Variants in SCLT1 observed in about 807,000 individuals in gnomAD.
SCLT1 encodes sodium channel and clathrin linker 1.
Under a neutral mutation model 112.8 loss-of-function variants are expected in SCLT1, and 78 were observed. That is an observed-to-expected ratio of 0.69 (90% confidence interval 0.58 to 0.83). The LOEUF is 0.83. Ranked by LOEUF, SCLT1 falls within the 40% of genes least tolerant of loss-of-function variation. SCLT1 has a pLI of 0.00. For synonymous variants in SCLT1, 257 were observed against 254.7 expected (o/e 1.01, Z -0.09); for missense variants, 747 against 770.4 (o/e 0.97, Z 0.36).
At chr4:129,024,349 A>C (rs867592463) in intron 5 of SCLT1, among the ~76,000 whole-genome samples, 23 of 152,262 alleles carry the variant, frequency 1.5e-4, no homozygotes, top group African/African-American at 4.1e-4. Context: ...TCTGAGACAA[A>C]ACTTCCAGAG....
intron 5 of SCLT1, among the ~76,000 whole-genome samples, chr4:129,018,219 T>TA (rs1745155296): frequency 1.3e-5 from 2 of 152,238 alleles, no homozygotes; most frequent in Non-Finnish European, 2.9e-5. Flanking sequence ...TGGTTATCAT[T>TA]AGCAGAACCA....
rs1212097525 is a variant in SCLT1 at position 128,959,714 on chromosome 4, C to T, written c.933G>A (p.Gln311=). Residue 311 remains glutamine, a synonymous_variant, in exon 12 of 21, where the codon CAG becomes CAA. Transcript: ENST00000281142. ...TGCACTTTGCTTGTAGCTCTCTGGT[C>T]TGTTTTTCCAGATGTGTATTTTCGG... ...LRTENTHLEK[Q]TRELQAKCNE... 1 of 1,613,444 alleles carries T rather than the reference C, an allele frequency of 6.2e-7. No homozygotes were observed. Among genetic ancestry groups the T allele is most frequent in the Non-Finnish European group, 8.5e-7 (1 of 1,179,608 alleles).
chr4:128,919,738 C>CAA lies in SCLT1; in HGVS notation c.1829+16915_1829+16916dup, dbSNP rs142025461. 9.7e-4 allele frequency among the ~76,000 whole-genome samples: 144 copies of CAA among 148,116 alleles called. 1 individual carries two copies. Among genetic ancestry groups the CAA allele is most frequent in the East Asian group, 9.3e-3 (47 of 5,078 alleles). ...TATTACTATTAACCCCACAGAAATA[C>CAA]AAAAAAAAAATAACCTCAGAGACTA... On this transcript the variant is annotated intron_variant, in intron 18 of 20. Coordinates refer to ENST00000281142, the MANE Select transcript of SCLT1 (RefSeq NM_144643.4).
intron 6 of SCLT1, among the ~76,000 whole-genome samples, chr4:129,003,134 G>A (rs111719715): frequency 9.9e-5 from 15 of 152,196 alleles, no homozygotes; most frequent in Admixed American, 3.9e-4. Flanking sequence ...GTCCTTTTCA[G>A]GGACATGGAT....
intron 19 of SCLT1, among the ~76,000 whole-genome samples, 187 bp downstream of exon 19, chr4:128,890,872 A>G (rs2125923661): frequency 6.6e-6 from 1 of 152,364 alleles, no homozygotes; most frequent in Middle Eastern, 3.4e-3. Flanking sequence ...TTATTTACAT[A>G]TGATGAATCA....
intron 7 of SCLT1, among the ~76,000 whole-genome samples, chr4:128,998,241 A>G (rs368330218): frequency 4.0e-5 from 6 of 151,882 alleles, no homozygotes; most frequent in East Asian, 1.9e-4. Flanking sequence ...ATAAAAAATT[A>G]TAAGTGATTA....
At chr4:128,951,141 A>T (rs1738698630) in intron 14 of SCLT1, among the ~76,000 whole-genome samples, 1 of 150,418 alleles carries the variant, frequency 6.6e-6, no homozygotes, top group Non-Finnish European at 1.5e-5. Flanking sequence ...ATATTATACT[A>T]ATACTATTAG....
intron 9 of SCLT1, among the ~76,000 whole-genome samples, chr4:128,977,461 T>C (rs1741277359): frequency 6.6e-6 from 1 of 152,160 alleles, no homozygotes; most frequent in South Asian, 2.1e-4. Flanking sequence ...ATAAAGTTCA[T>C]ATTGTAATGG....
rs778801518 is a variant in SCLT1 at position 129,082,294 on chromosome 4, T to A, written c.102+12A>T. On this transcript the variant is annotated intron_variant, in intron 2 of 20. Coordinates refer to ENST00000281142, the MANE Select transcript of SCLT1 (RefSeq NM_144643.4). ...TGAGAATATTCCCAAGTAGAATTTA[T>A]AATTTACATACCTGTACAGATGAAT... 1 of 1,300,614 alleles carries A rather than the reference T, an allele frequency of 7.7e-7. No homozygotes were observed. Among genetic ancestry groups the A allele is most frequent in the Admixed American group, 2.2e-5 (1 of 46,024 alleles). 80.6% of individuals were successfully genotyped at this position (1,300,614 alleles called of 1,614,324 possible).
chr4:128,900,715 G>T (rs1414115868), intron 18 of SCLT1, among the ~76,000 whole-genome samples: 1 of 152,130 alleles, frequency 6.6e-6, no homozygotes, highest in East Asian at 1.9e-4. Context: ...CACAGCAAAA[G>T]AAACTACCCT....
intron 5 of SCLT1, among the ~76,000 whole-genome samples, chr4:129,029,926 T>A (rs150079915): frequency 0.013 from 2,001 of 152,182 alleles, 63 homozygotes; most frequent in African/African-American, 0.046. Flanking sequence ...AACAAGGATA[T>A]TCAAGACTTG....
chr4:129,071,626 G>C (rs373959546), intron 2 of SCLT1, among the ~76,000 whole-genome samples: 5 of 151,914 alleles, frequency 3.3e-5, no homozygotes, highest in African/African-American at 1.2e-4. Flanking sequence ...ACTCCTGCTC[G>C]CTTTTGGTGC....
intron 2 of SCLT1, among the ~76,000 whole-genome samples, chr4:129,073,369 C>T (rs1579935142): frequency 6.6e-6 from 1 of 152,276 alleles, no homozygotes; most frequent in East Asian, 1.9e-4. Flanking sequence ...ACAAAAGCTA[C>T]TTGGGATGAC....
intron 12 of SCLT1, among the ~76,000 whole-genome samples, chr4:128,957,420 C>T (rs752726300): frequency 7.2e-5 from 11 of 152,062 alleles, no homozygotes; most frequent in Non-Finnish European, 1.3e-4. Context: ...TTTCAAGTCC[C>T]TATATAAAGT....
At chr4:128,978,244 T>G (rs558403251) in intron 9 of SCLT1, among the ~76,000 whole-genome samples, 1 of 152,212 alleles carries the variant, frequency 6.6e-6, no homozygotes, top group South Asian at 2.1e-4. Flanking sequence ...AGCAATTCAA[T>G]TATGGAACTC....
chr4:129,079,094 T>C (rs1222040641), intron 2 of SCLT1, among the ~76,000 whole-genome samples: 1 of 152,104 alleles, frequency 6.6e-6, no homozygotes, highest in Non-Finnish European at 1.5e-5. Context: ...CCACCAGGGC[T>C]CTCCTCCAAC....
At chr4:129,051,444 C>T (rs936495235) in intron 2 of SCLT1, among the ~76,000 whole-genome samples, 1 of 152,144 alleles carries the variant, frequency 6.6e-6, no homozygotes, top group African/African-American at 2.4e-5. Flanking sequence ...TTCTTTACAT[C>T]CCTTGTAAGT....
Position 128,957,081 on chromosome 4 carries a change from A to AT in SCLT1, c.1090dup (p.Met364AsnfsTer28). On this transcript the variant is annotated frameshift_variant, in exon 13 of 21. Transcript: ENST00000281142. LOFTEE classifies it high-confidence loss of function. ...TACAAACCGAGAAACTGTCTCTTTC[A>AT]TTTTCTCTATGTCTTCTTCTTTTTG... 1 of 1,602,556 alleles carries AT rather than the reference A, an allele frequency of 6.2e-7. No homozygotes were observed. Among genetic ancestry groups the AT allele is most frequent in the Non-Finnish European group, 8.5e-7 (1 of 1,173,024 alleles).
Position 129,000,793 on chromosome 4 carries a change from C to T in SCLT1, c.427-999G>A, listed in dbSNP as rs79802705. Among the ~76,000 whole-genome samples the T allele has an allele frequency of 4.1e-4, 62 of 151,938 alleles. No homozygotes were observed. The East Asian group carries it at 5.0e-3, about 12-fold the overall frequency. ...ATTGTACATTTTTATAAAGCAAGTG[C>T]GCTTATGTAACCAGCACCCAGTTCA... On this transcript the variant is annotated intron_variant, in intron 6 of 20. Coordinates refer to ENST00000281142, the MANE Select transcript of SCLT1 (RefSeq NM_144643.4).
Sources: gnomAD v4.1 joint callset for allele counts (sites outside exome capture counted in the v4.1 genomes callset) on GRCh38, gnomAD v4.1.1 for gene constraint, MANE v1.5 for transcripts, NCBI Gene and HGNC (gene_info 2026-07-23, HGNC 2026-07-21) for gene names.